The following COL5A3 variants were observed in gnomAD, a reference collection of about 807,000 sequenced individuals.
COL5A3 encodes collagen alpha-3(V) chain.
A neutral mutation model predicts 250.0 loss-of-function variants in COL5A3; 172 were observed. The observed-to-expected ratio is 0.69, with a 90% CI of 0.61 to 0.78. COL5A3 has a LOEUF of 0.78. COL5A3 is among the 30% of genes least tolerant of loss of function. COL5A3 has a pLI of 0.00. For synonymous variants in COL5A3, 937 were observed against 900.4 expected (o/e 1.04, Z -0.73); for missense variants, 2,340 against 2,334.4 (o/e 1.00, Z -0.05).
At chr19:9,996,851 T>G (rs1248660313) in intron 11 of COL5A3, 162 bp from the exon 12 acceptor site, 24 of 562,576 alleles carry the variant, frequency 4.3e-5, no homozygotes, top group African/African-American at 2.3e-4. Context: ...GAGAGAGAAG[T>G]AGAGAGAAGT....
intron 31 of COL5A3, among the ~76,000 whole-genome samples, chr19:9,984,752 A>G (rs2087070844): frequency 6.6e-6 from 1 of 152,042 alleles, no homozygotes. Context: ...AGCGGGTAAG[A>G]GGGCATTTGA....
rs2087215570 is a variant in COL5A3 at position 9,992,958 on chromosome 19, G to A, written c.1794+65C>T. The A allele has an allele frequency of 3.1e-6, 5 of 1,606,256 alleles. No homozygotes were observed. In the South Asian group the frequency reaches 5.5e-5, roughly 18 times the overall value. On this transcript the variant is annotated intron_variant, in intron 20 of 66. Transcript: ENST00000264828. Reference sequence around the variant, plus strand: ...GCTCTAGGGGTCCTATGAGTCCTGGGGCCCTGGGAGTCCTGACTCCCTCCC... The same window carrying A: ...GCTCTAGGGGTCCTATGAGTCCTGGAGCCCTGGGAGTCCTGACTCCCTCCC...
Position 9,979,661 on chromosome 19 carries a change from G to A in COL5A3, c.2712+178C>T, listed in dbSNP as rs370136120. On this transcript the variant is annotated intron_variant, in intron 37 of 66. Coordinates refer to ENST00000264828, the MANE Select transcript of COL5A3 (RefSeq NM_015719.4). Reference sequence around the variant, plus strand: ...AAAAATTAGCCGGGCGTGGTGGCACGCGCCTGTAGTGCCACTCGGGAGGCT... The same window carrying A: ...AAAAATTAGCCGGGCGTGGTGGCACACGCCTGTAGTGCCACTCGGGAGGCT... Among the ~76,000 whole-genome samples, 21 of 152,104 alleles carry A rather than the reference G, an allele frequency of 1.4e-4. No homozygotes were observed. In the East Asian group the frequency reaches 2.9e-3, roughly 21 times the overall value.
Position 9,989,426 on chromosome 19 carries a change from C to T in COL5A3, c.2046+43G>A, listed in dbSNP as rs1359474565. The T allele has an allele frequency of 2.5e-6, 4 of 1,613,554 alleles. No homozygotes were observed. In the Admixed American group the frequency reaches 6.7e-5, roughly 27 times the overall value. ...AAACTTGCCATTCCAATTCCCAAGG[C>T]TCCCCTTTCTCCTTCCTCCTTTTCC... On this transcript the variant is annotated intron_variant, in intron 25 of 66. Transcript: ENST00000264828.
At chr19:9,972,617 C>T (rs9749007) in intron 51 of COL5A3, among the ~76,000 whole-genome samples, 7,718 of 151,740 alleles carry the variant, frequency 0.051, 643 homozygotes, top group African/African-American at 0.17. Context: ...GCATGCTGAT[C>T]ACGAGGTCAG....
intron 45 of COL5A3, 85 bp from the exon 46 acceptor site, chr19:9,974,493 AG>A: frequency 9.8e-7 from 1 of 1,018,458 alleles, no homozygotes; most frequent in Non-Finnish European, 1.4e-6. Flanking sequence ...ACTGAGGTTA[AG>A]GGTTGGAGTC....
chr19:9,996,702 T>C lies in COL5A3; in HGVS notation c.1264-13A>G, dbSNP rs2087278888. 2 of 1,592,276 alleles carry C rather than the reference T, an allele frequency of 1.3e-6. No individual in the cohort carries two copies. Among genetic ancestry groups the C allele is most frequent in the East Asian group, 2.2e-5 (1 of 44,590 alleles). ...GGCCAGCAGGGCCCTGAGAGAGGGA[T>C]GGGGGAAGAGAGGTGGAGACAGGGA... On this transcript the variant is annotated splice_polypyrimidine_tract_variant and intron_variant, in intron 11 of 66. Transcript: ENST00000264828.
chr19:9,983,913 TAA>T (rs566711383), intron 31 of COL5A3, among the ~76,000 whole-genome samples: 1 of 129,484 alleles, frequency 7.7e-6, no homozygotes, highest in Admixed American at 7.6e-5. Flanking sequence ...ACTGAAAAAA[TAA>T]AAAAAAAAAA....
In COL5A3 at chr19:9,989,368, TG is replaced by T; in HGVS notation, c.2047-3del. The T allele has an allele frequency of 1.2e-6, 2 of 1,614,172 alleles. No individual in the cohort carries two copies. Among genetic ancestry groups the T allele is most frequent in the Non-Finnish European group, 1.7e-6 (2 of 1,179,996 alleles). ...GGGGCCCTCATGTCCTGGGTGACCC[TG>T]GGGAAGAAACATTCTCAGTTGTCAG... is the stretch of plus-strand genomic sequence containing the variant. On this transcript the variant is annotated splice_polypyrimidine_tract_variant and splice_region_variant and intron_variant, in intron 25 of 66. Coordinates refer to ENST00000264828, the MANE Select transcript of COL5A3 (RefSeq NM_015719.4).
chr19:10,001,377 C>G, intron 8 of COL5A3, 147 bp downstream of exon 8: 1 of 719,840 alleles, frequency 1.4e-6, no homozygotes, highest in Non-Finnish European at 2.2e-6. Flanking sequence ...AATCTCCTGA[C>G]CTCAAATGAT....
At chr19:10,004,997 G>A (rs1025663342) in intron 4 of COL5A3, among the ~76,000 whole-genome samples, 13 of 136,762 alleles carry the variant, frequency 9.5e-5, no homozygotes, top group African/African-American at 2.8e-4. Flanking sequence ...GCACTGCAAC[G>A]GCACACACAA....
At chr19:9,965,747 T>A (rs1186407239) in intron 64 of COL5A3, among the ~76,000 whole-genome samples, 3 of 152,164 alleles carry the variant, frequency 2.0e-5, no homozygotes, top group Non-Finnish European at 4.4e-5. Context: ...AGCTACCACA[T>A]CCAGCCTATT....
At chr19:9,964,837 T>A (rs928566057) in intron 64 of COL5A3, among the ~76,000 whole-genome samples, 15 of 107,048 alleles carry the variant, frequency 1.4e-4, no homozygotes, top group African/African-American at 5.3e-4. Flanking sequence ...ACCAACGTAG[T>A]GAAACCCCAT....
chr19:9,977,345 C>T lies in COL5A3; in HGVS notation c.3234+20G>A. Reference sequence around the variant, plus strand: ...CACCCCCATCCTCCCCTGGACCCTTCCTCTCTGTGAACCCCTCACCTTGTC... The same window carrying T: ...CACCCCCATCCTCCCCTGGACCCTTTCTCTCTGTGAACCCCTCACCTTGTC... On this transcript the variant is annotated intron_variant, in intron 43 of 66. Transcript: ENST00000264828. 3.7e-6 allele frequency: 6 copies of T among 1,611,390 alleles called. No individual in the cohort carries two copies. Among genetic ancestry groups the T allele is most frequent in the Non-Finnish European group, 5.1e-6 (6 of 1,178,054 alleles).
chr19:9,997,574 A>C, intron 10 of COL5A3, 141 bp from the exon 11 acceptor site: 1 of 606,570 alleles, frequency 1.6e-6, no homozygotes, highest in South Asian at 2.0e-5. Flanking sequence ...TGCAATACTG[A>C]CCCCCACTCA....
At chr19:9,982,198 G>A (rs1486630265) in intron 31 of COL5A3, 80 bp from the exon 32 acceptor site, 1 of 952,812 alleles carries the variant, frequency 1.0e-6, no homozygotes, top group East Asian at 2.7e-5. Flanking sequence ...ACCATCCTTT[G>A]AGGCATTTCC....
chr19:9,968,807 A>G lies in COL5A3; in HGVS notation c.4153-79T>C. ...GTGTGGGTGGTTAGGGGATGGTCAA[A>G]TGGGAAATTATGCAGATTTCAAATG... On this transcript the variant is annotated intron_variant, in intron 57 of 66. Transcript: ENST00000264828. This position sits in a 1 kb window ranked among gnomAD's most constrained non-coding sequence, Gnocchi z 4.1. The G allele has an allele frequency of 1.7e-6, 2 of 1,205,292 alleles. No homozygotes were observed. The allele number at this position is 1,205,292 out of a possible 1,614,324, so 74.7% of individuals were successfully genotyped here. A position where few individuals can be genotyped will look rare whatever the true frequency, so the allele number is the denominator to read the frequency against.
At chr19:10,006,328 G>T (rs1028367125) in intron 1 of COL5A3, 97 bp from the exon 2 acceptor site, 3 of 1,202,116 alleles carry the variant, frequency 2.5e-6, no homozygotes, top group African/African-American at 3.1e-5. Context: ...TTTTTAGGGG[G>T]CTCAGCCTCT....
chr19:9,983,130 A>G (rs1271403050), intron 31 of COL5A3, among the ~76,000 whole-genome samples: 1 of 151,966 alleles, frequency 6.6e-6, no homozygotes, highest in African/African-American at 2.4e-5. Context: ...GAAAGTGCTG[A>G]GATTACAGGT....
Sources: gnomAD v4.1 joint callset for allele counts (sites outside exome capture counted in the v4.1 genomes callset) on GRCh38, gnomAD v4.1.1 for gene constraint, Gnocchi (gnomAD v3.1) non-coding constraint, MANE v1.5 for transcripts, NCBI Gene and HGNC (gene_info 2026-07-23, HGNC 2026-07-21) for gene names.